C8orf34: variants seen among roughly 807,000 people sequenced by gnomAD.
C8orf34 encodes the protein uncharacterized protein C8orf34.
A neutral mutation model predicts 68.3 loss-of-function variants in C8orf34; 65 were observed. The ratio of observed to expected loss-of-function variants is 0.95; its 90% CI spans 0.78 to 1.17. C8orf34 has a LOEUF of 1.17. C8orf34 is among the 50% of genes most tolerant of loss of function. The pLI, the probability that C8orf34 is intolerant of heterozygous loss-of-function variation, is 0.00. For synonymous variants in C8orf34, 244 were observed against 241.2 expected, an observed-to-expected ratio of 1.01 and a Z score of -0.11; for missense variants, 664 against 655.4, an observed-to-expected ratio of 1.01 and a Z score of -0.14.
chr8:68,682,433 C>G (rs187903865), intron 8 of C8orf34, among the ~76,000 whole-genome samples: 1 of 152,046 alleles, frequency 6.6e-6, no homozygotes, highest in African/African-American at 2.4e-5. Flanking sequence ...TGATGAGTCT[C>G]GTAATTTAGT....
At chr8:68,386,848 C>T (rs1038183949) in intron 1 of C8orf34, among the ~76,000 whole-genome samples, 1 of 151,844 alleles carries the variant, frequency 6.6e-6, no homozygotes, top group Non-Finnish European at 1.5e-5. Flanking sequence ...GCATTGCTGG[C>T]TTTTACCAAC....
At chr8:68,587,373 TG>T (rs1279870621) in intron 7 of C8orf34, among the ~76,000 whole-genome samples, 1 of 152,150 alleles carries the variant, frequency 6.6e-6, no homozygotes, top group East Asian at 1.9e-4. Flanking sequence ...GCATTAGCAT[TG>T]AACTTGCTTT....
intron 1 of C8orf34, among the ~76,000 whole-genome samples, chr8:68,350,063 T>C (rs987218037): frequency 1.3e-5 from 2 of 151,964 alleles, no homozygotes; most frequent in African/African-American, 4.8e-5. Flanking sequence ...AGTTAGGTTG[T>C]TAATTTCAGA....
chr8:68,556,495 G>A (rs992725703), intron 7 of C8orf34, among the ~76,000 whole-genome samples: 1 of 152,042 alleles, frequency 6.6e-6, no homozygotes, highest in Non-Finnish European at 1.5e-5. Flanking sequence ...CTGTAGGCTT[G>A]AAATGCAGAT....
At chr8:68,495,648 C>A (rs1450839796) in intron 5 of C8orf34, among the ~76,000 whole-genome samples, 1 of 152,212 alleles carries the variant, frequency 6.6e-6, no homozygotes, top group Non-Finnish European at 1.5e-5. Flanking sequence ...TGCTATTATT[C>A]ACCAGTTTAA....
At chr8:68,337,809 C>A (rs1181618361) in intron 1 of C8orf34, among the ~76,000 whole-genome samples, 1 of 152,120 alleles carries the variant, frequency 6.6e-6, no homozygotes, top group Non-Finnish European at 1.5e-5. Context: ...TGAGTAAAGA[C>A]AATTTGCAAT....
chr8:68,808,653 G>T (rs1175461213), intron 12 of C8orf34, among the ~76,000 whole-genome samples: 1 of 151,848 alleles, frequency 6.6e-6, no homozygotes, highest in Non-Finnish European at 1.5e-5. Context: ...TAAAATATAT[G>T]AGAGAATATG....
chr8:68,656,981 A>G (rs1819527241), intron 8 of C8orf34, among the ~76,000 whole-genome samples: 1 of 152,172 alleles, frequency 6.6e-6, no homozygotes, highest in East Asian at 1.9e-4. Context: ...GAGAATACAC[A>G]TATAGTGATA....
chr8:68,528,625 C>T (rs1321091842), intron 6 of C8orf34, among the ~76,000 whole-genome samples: 2 of 152,222 alleles, frequency 1.3e-5, no homozygotes, highest in Admixed American at 1.3e-4. Flanking sequence ...CATGGCCACA[C>T]TGGCCAGTAT....
At chr8:68,479,449 G>A (rs1812766709) in intron 4 of C8orf34, among the ~76,000 whole-genome samples, 1 of 152,062 alleles carries the variant, frequency 6.6e-6, no homozygotes, top group African/African-American at 2.4e-5. Flanking sequence ...GCAACAGAGA[G>A]AGAGAATATG....
chr8:68,555,219 A>G (rs901838337), intron 7 of C8orf34, among the ~76,000 whole-genome samples: 1 of 152,116 alleles, frequency 6.6e-6, no homozygotes, highest in African/African-American at 2.4e-5. Context: ...GTTCATTACT[A>G]ATTGTACAAC....
rs1563673971 is a variant in C8orf34, at chr8:68,794,496, TATATATATA to T, written c.1549+6961_1549+6969del. On this transcript the variant is annotated intron_variant, in intron 12 of 13. Coordinates refer to ENST00000518698, the MANE Select transcript of C8orf34 (RefSeq NM_052958.4). ...ATATAAATATAAATATATATATATA[TATATATATA>T]TTTTTTTTTTTTTTTTTTAGACAGG... Among the ~76,000 whole-genome samples the T allele has an allele frequency of 5.5e-4, 49 of 89,020 alleles. 2 individuals carry two copies. The highest frequency in any genetic ancestry group is 3.1e-3 in the African/African-American group (45 of 14,320). The allele number at this position is 89,020 out of a possible 152,430, so 58.4% of individuals were successfully genotyped here.
Position 68,331,085 on chromosome 8 carries a change from C to A in C8orf34, c.73C>A (p.His25Asn). 6.7e-7 allele frequency: 1 copy of A among 1,490,758 alleles called. No individual in the cohort carries two copies. The highest frequency in any genetic ancestry group is 2.7e-5 in the East Asian group (1 of 37,198). 92.3% of individuals were successfully genotyped at this position (1,490,758 alleles called of 1,614,324 possible). Residue 25 changes from histidine (H) to asparagine (N), a missense_variant, in exon 1 of 14, where the codon CAC (histidine) becomes AAC (asparagine). Coordinates refer to ENST00000518698, the MANE Select transcript of C8orf34 (RefSeq NM_052958.4). ...CCCAGGCTTCCGGCTCTCAGCGCCCCACGCGCGCGTGGCTCCCCGGGCTGC... is the reference window on the plus strand; with the variant it reads ...CCCAGGCTTCCGGCTCTCAGCGCCCAACGCGCGCGTGGCTCCCCGGGCTGC... ...LRPGFRLSAP[H>N]ARVAPRAATH...
intron 7 of C8orf34, among the ~76,000 whole-genome samples, chr8:68,598,016 CA>C (rs1817596661): frequency 6.6e-6 from 1 of 151,970 alleles, no homozygotes; most frequent in Non-Finnish European, 1.5e-5. Context: ...TTTACAAATT[CA>C]AAACAATGTT....
rs1415818859 is a variant in C8orf34, at chr8:68,721,363, T to C, written c.1330T>C (p.Ser444Pro). The C allele has an allele frequency of 6.3e-7, 1 of 1,599,940 alleles. No individual in the cohort carries two copies. The highest frequency in any genetic ancestry group is 8.5e-7 in the Non-Finnish European group (1 of 1,170,148). ...TCATTTTTTAAAAATAAAAATAGAT[T>C]CCTTGCCTGGGACTGAAGAAGCACT... ...PDEKIPDSFD[S>P]LPGTEEALME... Residue 444 changes from serine (S) to proline (P), a missense_variant and splice_region_variant, in exon 10 of 14, where the codon TCC (serine) becomes CCC (proline). Transcript: ENST00000518698.
intron 7 of C8orf34, among the ~76,000 whole-genome samples, chr8:68,611,010 A>G (rs1421900202): frequency 6.6e-6 from 1 of 151,934 alleles, no homozygotes; most frequent in East Asian, 1.9e-4. Context: ...TAATATAGGC[A>G]TGTGCCATCA....
chr8:68,400,197 T>C (rs1391173111), intron 1 of C8orf34, among the ~76,000 whole-genome samples: 1 of 152,162 alleles, frequency 6.6e-6, no homozygotes, highest in Non-Finnish European at 1.5e-5. Flanking sequence ...TATTTTTGTT[T>C]TTGTTGCCTG....
At chr8:68,472,235 C>T (rs904817180) in intron 4 of C8orf34, among the ~76,000 whole-genome samples, 1 of 152,134 alleles carries the variant, frequency 6.6e-6, no homozygotes, top group African/African-American at 2.4e-5. Flanking sequence ...CTTGAGCCCT[C>T]ACTTTGTAGC....
intron 4 of C8orf34, among the ~76,000 whole-genome samples, chr8:68,471,985 G>GACT (rs1048823803): frequency 3.3e-5 from 5 of 150,248 alleles, no homozygotes; most frequent in African/African-American, 1.2e-4. Context: ...TACCAGGAAA[G>GACT]ACTAGATAGT....
Sources: allele counts gnomAD v4.1 joint callset (sites outside exome capture counted in the v4.1 genomes callset), GRCh38; gene constraint gnomAD v4.1.1; transcripts MANE v1.5; gene names NCBI Gene and HGNC (gene_info 2026-07-23, HGNC 2026-07-21).